Variants in LRRC70 observed in about 807,000 individuals in gnomAD.
LRRC70 encodes leucine rich repeat containing 70.
LRRC70 carries 31 observed loss-of-function variants against 42.4 expected under a neutral mutation model. The observed-to-expected ratio is 0.73, with a 90% CI of 0.55 to 0.99. The LOEUF (loss-of-function observed/expected upper bound fraction) is 0.99. Among genes scored for constraint, LRRC70 ranks in the 50% least tolerant of loss-of-function variants. The pLI, the probability that LRRC70 is intolerant of heterozygous loss-of-function variation, is 0.00. For missense variants in LRRC70, 643 were observed against 707.5 expected (o/e 0.91, Z 1.03); for synonymous variants, 270 against 262.9 (o/e 1.03, Z -0.26).
At position 62,580,464 on chromosome 5, in the gene LRRC70, A is replaced by G; in HGVS notation, c.1026A>G (p.Pro342=). Reference sequence around the variant, plus strand: ...TTAATAATCTTACAGCCTTGCATCCAAGGGTCCTTAAGCCGTTGTCTTCAT... The same window carrying G: ...TTAATAATCTTACAGCCTTGCATCCGAGGGTCCTTAAGCCGTTGTCTTCAT... ...LSFNNLTALH[P]RVLKPLSSLI... The change falls in exon 2 of 2, where the codon CCA becomes CCG. Residue 342 remains proline (P), a synonymous_variant. Coordinates refer to ENST00000334994, the MANE Select transcript of LRRC70 (RefSeq NM_181506.5). The G allele has an allele frequency of 6.4e-7, 1 of 1,551,396 alleles. No homozygotes were observed. The highest frequency in any genetic ancestry group is 8.7e-7 in the Non-Finnish European group (1 of 1,146,798).
rs867120743 is a variant in LRRC70, at chr5:62,580,405, A to G, written c.967A>G (p.Met323Val). 3 of 1,551,176 alleles carry G rather than the reference A, an allele frequency of 1.9e-6. No individual in the cohort carries two copies. In the Middle Eastern group the frequency reaches 5.0e-4, roughly 259 times the overall value. ...CATTGATAATGATACATTTGAAAAT[A>G]TGGGAGCATCTTTGAAGATCCTTAA... ...ISIDNDTFEN[M>V]GASLKILNLS... The change falls in exon 2 of 2, where the codon ATG becomes GTG. Residue 323 changes from methionine to valine, a missense_variant. Coordinates refer to ENST00000334994, the MANE Select transcript of LRRC70 (RefSeq NM_181506.5).
intron 1 of LRRC70, 33 bp downstream of exon 1, chr5:62,578,968 C>G: frequency 1.3e-5 from 3 of 239,236 alleles, no homozygotes; most frequent in Non-Finnish European, 2.5e-5. Context: ...GAACTTCTAG[C>G]TGACATGAAA....
At position 62,579,689 on chromosome 5, in the gene LRRC70, ATT is replaced by A. The variant is rs747981697; in HGVS notation, c.252_253del (p.Leu86CysfsTer7). On this transcript the variant is annotated frameshift_variant, in exon 2 of 2. Coordinates refer to ENST00000334994, the MANE Select transcript of LRRC70 (RefSeq NM_181506.5). LOFTEE classifies it high-confidence loss of function. ...AATGAAAGTGAATTAACAGGACTTC[ATT>A]CTCTTGTAGCATTGTATTTGGATAA... 6.5e-7 allele frequency: 1 copy of A among 1,548,302 alleles called. No individual in the cohort carries two copies. The highest frequency in any genetic ancestry group is 1.2e-5 in the South Asian group (1 of 83,462).
rs1433407420 is a variant in LRRC70 at position 62,581,294 on chromosome 5, A to G, written c.1856A>G (p.His619Arg). 1.3e-6 allele frequency: 2 copies of G among 1,514,954 alleles called. No individual in the cohort carries two copies. Among genetic ancestry groups the G allele is most frequent in the Non-Finnish European group, 1.8e-6 (2 of 1,135,150 alleles). The allele number at this position is 1,514,954 out of a possible 1,614,324, so 93.8% of individuals were successfully genotyped here. ...GAGGCACAGGTCATTCTTTTTGAAC[A>G]TTCTGCTTTATAACTCAACTAAATA... Reference protein sequence around the residue: ...ENEAQVILFEHSAL With the variant: ...ENEAQVILFERSAL Residue 619 changes from histidine to arginine, a missense_variant, in exon 2 of 2, where the codon CAT becomes CGT. His to Arg is a conservative substitution (Grantham distance 29, BLOSUM62 0). Coordinates refer to ENST00000334994, the MANE Select transcript of LRRC70 (RefSeq NM_181506.5).
intron 1 of LRRC70, 82 bp downstream of exon 1, chr5:62,579,017 T>A (rs1478659126): frequency 1.2e-5 from 3 of 244,192 alleles, no homozygotes; most frequent in Non-Finnish European, 2.4e-5. Flanking sequence ...AATTTAATTG[T>A]TCTGTAGTGA....
At position 62,579,701 on chromosome 5, in the gene LRRC70, C is replaced by T. The variant is rs766037655; in HGVS notation, c.263C>T (p.Ala88Val). 1.9e-6 allele frequency: 3 copies of T among 1,548,348 alleles called. No individual in the cohort carries two copies. In the South Asian group the frequency reaches 3.6e-5, roughly 19 times the overall value. Residue 88 changes from alanine to valine, a missense_variant, in exon 2 of 2, where the codon GCA (alanine) becomes GTA (valine). Physicochemically the swap from Ala to Val is moderately conservative, Grantham distance 64 (BLOSUM62 0). Transcript: ENST00000334994. Reference sequence around the variant, plus strand: ...TTAACAGGACTTCATTCTCTTGTAGCATTGTATTTGGATAATTCTAACATT... The same window carrying T: ...TTAACAGGACTTCATTCTCTTGTAGTATTGTATTTGGATAATTCTAACATT... ...SELTGLHSLV[A>V]LYLDNSNILY...
Position 62,581,247 on chromosome 5 carries a change from TAAAC to T in LRRC70, c.1813_1816del (p.Gln605LeufsTer25). 1 of 1,539,330 alleles carries T rather than the reference TAAAC, an allele frequency of 6.5e-7. No homozygotes were observed. Among genetic ancestry groups the T allele is most frequent in the Non-Finnish European group, 8.7e-7 (1 of 1,143,922 alleles). ...CTGGCTTGGAGCAGATTCGACTTCA[TAAAC>T]AAATTGTTCCTGAAAATGAGGCACA... On this transcript the variant is annotated frameshift_variant, in exon 2 of 2. Coordinates refer to ENST00000334994, the MANE Select transcript of LRRC70 (RefSeq NM_181506.5). LOFTEE classifies it high-confidence loss of function.
At position 62,581,206 on chromosome 5, in the gene LRRC70, A is replaced by T; in HGVS notation, c.1768A>T (p.Asn590Tyr). ...TGCCTCAATTTGTAACACTTCCCCA[A>T]ATTCTCTAGAAAGTCCTGGCTTGGA... The part of the protein sequence containing the change: ...VTASICNTSP[N>Y]SLESPGLEQI... The change falls in exon 2 of 2, where the codon AAT (asparagine) becomes TAT (tyrosine). Residue 590 changes from asparagine to tyrosine, a missense_variant. Transcript: ENST00000334994. The T allele has an allele frequency of 6.4e-7, 1 of 1,550,974 alleles. No homozygotes were observed. Among genetic ancestry groups the T allele is most frequent in the Non-Finnish European group, 8.7e-7 (1 of 1,146,694 alleles).
rs146092308 is a variant in LRRC70 at position 62,579,937 on chromosome 5, C to T, written c.499C>T (p.Arg167Cys). The change falls in exon 2 of 2, where the codon CGC becomes TGC. Residue 167 changes from arginine (R) to cysteine (C), a missense_variant. Arg to Cys is a radical substitution (Grantham distance 180). Transcript: ENST00000334994. ...TCAGTACTTAAATCTACAAAGGAATCGCCTCACTGTCCTTGGGAGTGGTAC... is the reference window on the plus strand; with the variant it reads ...TCAGTACTTAAATCTACAAAGGAATTGCCTCACTGTCCTTGGGAGTGGTAC... The part of the protein sequence containing the change: ...SVQYLNLQRN[R>C]LTVLGSGTFV... 5.2e-6 allele frequency: 8 copies of T among 1,551,186 alleles called. No individual in the cohort carries two copies. The highest frequency in any genetic ancestry group is 1.4e-5 in the African/African-American group (1 of 73,094).
chr5:62,580,209 C>G lies in LRRC70; in HGVS notation c.771C>G (p.Leu257=), dbSNP rs1203068046. 1.9e-6 allele frequency: 3 copies of G among 1,550,882 alleles called. No homozygotes were observed. The highest frequency in any genetic ancestry group is 2.0e-5 in the Admixed American group (1 of 50,950). The change falls in exon 2 of 2, where the codon CTC becomes CTG. Residue 257 remains leucine, a synonymous_variant. Transcript: ENST00000334994. The part of the protein sequence containing the change: ...AFKGLANLEY[L]LLKNSRIRNV... ...AAGGACTTGCCAATCTGGAATACCT[C>G]CTCCTGAAAAATTCAAGAATTAGGA...
At position 62,580,873 on chromosome 5, in the gene LRRC70, A is replaced by G. The variant is rs372428464; in HGVS notation, c.1435A>G (p.Thr479Ala). The G allele has an allele frequency of 1.9e-6, 3 of 1,551,280 alleles. No homozygotes were observed. Among genetic ancestry groups the G allele is most frequent in the African/African-American group, 1.4e-5 (1 of 73,038 alleles). ...ENAFGNPLET[T>A]AVLPVQIQLT... is the part of the protein sequence containing the mutation. ...TGCCTTTGGTAATCCATTAGAGACT[A>G]CAGCAGTGTTACCTGTGCAAATACA... The change falls in exon 2 of 2, where the codon ACA (threonine) becomes GCA (alanine). Residue 479 changes from threonine to alanine, a missense_variant. By Grantham distance (58) the Thr-to-Ala change is moderately conservative. Coordinates refer to ENST00000334994, the MANE Select transcript of LRRC70 (RefSeq NM_181506.5).
chr5:62,579,049 A>G, intron 1 of LRRC70, 114 bp downstream of exon 1: 1 of 239,726 alleles, frequency 4.2e-6, no homozygotes, highest in South Asian at 4.8e-5. Context: ...CATAAATTAT[A>G]ATGTTATTTG....
In LRRC70 at chr5:62,580,467, G is replaced by A. The variant is rs1744507676; in HGVS notation, c.1029G>A (p.Arg343=). The A allele has an allele frequency of 1.3e-6, 2 of 1,551,144 alleles. No individual in the cohort carries two copies. The highest frequency in any genetic ancestry group is 2.4e-5 in the South Asian group (2 of 84,048). The change falls in exon 2 of 2, where the codon AGG becomes AGA. Residue 343 remains arginine (R), a synonymous_variant. Coordinates refer to ENST00000334994, the MANE Select transcript of LRRC70 (RefSeq NM_181506.5). ...ATAATCTTACAGCCTTGCATCCAAG[G>A]GTCCTTAAGCCGTTGTCTTCATTGA... ...SFNNLTALHP[R]VLKPLSSLIH... is the part of the protein sequence containing the mutation.
At position 62,581,038 on chromosome 5, in the gene LRRC70, T is replaced by A. The variant is rs1387680598; in HGVS notation, c.1600T>A (p.Phe534Ile). 3 of 1,551,094 alleles carry A rather than the reference T, an allele frequency of 1.9e-6. No homozygotes were observed. In the African/African-American group the frequency reaches 4.1e-5, roughly 21 times the overall value. ...TGAGGCTTTTGACATTTTGCTAGCT[T>A]TTTTCATCTTAGCTTGTGTTTTAAT... The part of the protein sequence containing the change: ...LNEAFDILLA[F>I]FILACVLIIF... Residue 534 changes from phenylalanine (F) to isoleucine (I), a missense_variant, in exon 2 of 2, where the codon TTT (phenylalanine) becomes ATT (isoleucine). Phe to Ile is a conservative substitution (Grantham distance 21). Transcript: ENST00000334994.
rs762492173 is a variant in LRRC70, at chr5:62,580,092, AGTACC to A, written c.655_659del (p.Val219IlefsTer5). The A allele has an allele frequency of 6.4e-7, 1 of 1,551,142 alleles. No individual in the cohort carries two copies. The highest frequency in any genetic ancestry group is 8.7e-7 in the Non-Finnish European group (1 of 1,146,650). On this transcript the variant is annotated frameshift_variant, in exon 2 of 2. Coordinates refer to ENST00000334994, the MANE Select transcript of LRRC70 (RefSeq NM_181506.5). LOFTEE classifies it high-confidence loss of function. ...ATTTAGGAAGTAATAATTTAACAAA[AGTACC>A]ATCAAATGCCTTTGAAGTACTTAAA...
chr5:62,581,115 A>C lies in LRRC70; in HGVS notation c.1677A>C (p.Ser559=), dbSNP rs1478842962. Reference sequence around the variant, plus strand: ...AGTTTAAACAAAAACTAAAGGCATCAGAAAACTCAAGGGAAAATAGACTTG... The same window carrying C: ...AGTTTAAACAAAAACTAAAGGCATCCGAAAACTCAAGGGAAAATAGACTTG... The part of the protein sequence containing the change: ...VVQFKQKLKA[S]ENSRENRLEY... The change falls in exon 2 of 2, where the codon TCA becomes TCC. Residue 559 remains serine, a synonymous_variant. Transcript: ENST00000334994. The C allele has an allele frequency of 2.6e-6, 4 of 1,549,706 alleles. No homozygotes were observed. In the South Asian group the frequency reaches 4.8e-5, roughly 19 times the overall value.
At position 62,580,979 on chromosome 5, in the gene LRRC70, C is replaced by A. The variant is rs1404979081; in HGVS notation, c.1541C>A (p.Ser514Tyr). The change falls in exon 2 of 2, where the codon TCT becomes TAT. Residue 514 changes from serine (S) to tyrosine (Y), a missense_variant. Ser to Tyr is a moderately radical substitution (Grantham distance 144). Transcript: ENST00000334994. ...GCTGCTTCAATGTCAGGGAAAACAT[C>A]TCTAATTTGTACACAAGAAGTTGAG... ...NDAASMSGKT[S>Y]LICTQEVEKL... The A allele has an allele frequency of 6.4e-7, 1 of 1,551,026 alleles. No homozygotes were observed. Among genetic ancestry groups the A allele is most frequent in the Non-Finnish European group, 8.7e-7 (1 of 1,146,808 alleles).
At position 62,580,251 on chromosome 5, in the gene LRRC70, G is replaced by A. The variant is rs1744498568; in HGVS notation, c.813G>A (p.Gly271=). Reference sequence around the variant, plus strand: ...GAATTAGGAATGTTACTAGGGATGGGTTTAGTGGAATTAATAATCTTAAAC... The same window carrying A: ...GAATTAGGAATGTTACTAGGGATGGATTTAGTGGAATTAATAATCTTAAAC... The part of the protein sequence containing the change: ...NSRIRNVTRD[G]FSGINNLKHL... The change falls in exon 2 of 2, where the codon GGG becomes GGA. Residue 271 remains glycine, a synonymous_variant. Coordinates refer to ENST00000334994, the MANE Select transcript of LRRC70 (RefSeq NM_181506.5). 1.9e-6 allele frequency: 3 copies of A among 1,546,574 alleles called. No individual in the cohort carries two copies. The highest frequency in any genetic ancestry group is 2.4e-5 in the East Asian group (1 of 40,854).
chr5:62,579,701 C>G lies in LRRC70; in HGVS notation c.263C>G (p.Ala88Gly), dbSNP rs766037655. 1.9e-6 allele frequency: 3 copies of G among 1,548,230 alleles called. No homozygotes were observed. In the African/African-American group the frequency reaches 4.1e-5, roughly 21 times the overall value. The change falls in exon 2 of 2, where the codon GCA becomes GGA. Residue 88 changes from alanine (A) to glycine (G), a missense_variant. By Grantham distance (60) the Ala-to-Gly change is moderately conservative. Coordinates refer to ENST00000334994, the MANE Select transcript of LRRC70 (RefSeq NM_181506.5). ...SELTGLHSLV[A>G]LYLDNSNILY... ...TTAACAGGACTTCATTCTCTTGTAG[C>G]ATTGTATTTGGATAATTCTAACATT...
Sources: gnomAD v4.1 joint callset for allele counts on GRCh38, gnomAD v4.1.1 for gene constraint, MANE v1.5 for transcripts, NCBI Gene and HGNC (gene_info 2026-07-23, HGNC 2026-07-21) for gene names.